SUSD4: variants seen among roughly 807,000 people sequenced by gnomAD.
The protein encoded by SUSD4 is sushi domain containing 4.
A neutral mutation model predicts 50.5 loss-of-function variants in SUSD4; 41 were observed. That is an observed-to-expected ratio of 0.81 (90% CI 0.63 to 1.05). The LOEUF is 1.05. Ranked by LOEUF, SUSD4 falls within the 50% of genes least tolerant of loss-of-function variation. SUSD4 has a pLI of 0.00. For synonymous variants in SUSD4, 257 were observed against 257.3 expected (o/e 1.00, Z 0.01); for missense variants, 580 against 634.7 (o/e 0.91, Z 0.93).
intron 2 of SUSD4, among the ~76,000 whole-genome samples, chr1:223,308,083 G>A (rs1388401709): frequency 6.6e-6 from 1 of 151,976 alleles, no homozygotes; most frequent in Non-Finnish European, 1.5e-5. Flanking sequence ...CTTTTTTTAA[G>A]GCTATTTAAG....
chr1:223,287,204 GTAGC>G (rs1204195847), intron 3 of SUSD4, among the ~76,000 whole-genome samples: 1 of 152,180 alleles, frequency 6.6e-6, no homozygotes, highest in Non-Finnish European at 1.5e-5. Context: ...GCTTCTCAGA[GTAGC>G]TGGGATCATA....
chr1:223,277,311 T>C lies in SUSD4; in HGVS notation c.362-8636A>G, dbSNP rs552985458. 3.7e-4 allele frequency among the ~76,000 whole-genome samples: 57 copies of C among 152,240 alleles called. 2 individuals carry two copies. In the South Asian group the frequency reaches 0.012, roughly 32 times the overall value. Reference sequence around the variant, plus strand: ...GCTTGATGAATGGATGATATTTTTTTTTTTTCCTTTTTGCACTCTGCAAGG... The same window carrying C: ...GCTTGATGAATGGATGATATTTTTTCTTTTTCCTTTTTGCACTCTGCAAGG... On this transcript the variant is annotated intron_variant, in intron 3 of 8. Coordinates refer to ENST00000366878, the MANE Select transcript of SUSD4 (RefSeq NM_017982.4).
intron 3 of SUSD4, chr1:223,289,211 G>A (rs1185604080): frequency 8.1e-6 from 8 of 985,256 alleles, no homozygotes; most frequent in African/African-American, 1.7e-5. Context: ...CACCTCCTCT[G>A]TTCCCTGGGC....
At chr1:223,279,659 A>G (rs967964277) in intron 3 of SUSD4, among the ~76,000 whole-genome samples, 1 of 152,172 alleles carries the variant, frequency 6.6e-6, no homozygotes, top group Non-Finnish European at 1.5e-5. Context: ...GTTGGAAAAC[A>G]CTCTGCAGGG....
Position 223,229,694 on chromosome 1 carries a change from T to A in SUSD4, c.725-306A>T, listed in dbSNP as rs899926326. Among the ~76,000 whole-genome samples the A allele has an allele frequency of 2.0e-5, 3 of 152,226 alleles. No homozygotes were observed. Among genetic ancestry groups the A allele is most frequent in the African/African-American group, 7.2e-5 (3 of 41,462 alleles). Reference sequence around the variant, plus strand: ...TAATAGAGAGTATTAAGCTACTGTATTAATAATGCATGCTATTATGTGCCA... The same window carrying A: ...TAATAGAGAGTATTAAGCTACTGTAATAATAATGCATGCTATTATGTGCCA... On this transcript the variant is annotated intron_variant, in intron 5 of 8. Transcript: ENST00000366878. This position sits in a 1 kb window ranked among gnomAD's most constrained non-coding sequence, Gnocchi z 4.7.
intron 2 of SUSD4, among the ~76,000 whole-genome samples, chr1:223,335,084 T>C (rs1474643179): frequency 6.6e-6 from 1 of 152,062 alleles, no homozygotes; most frequent in Non-Finnish European, 1.5e-5. Flanking sequence ...TACTCAATCA[T>C]ATATATATAT....
In SUSD4 at chr1:223,255,108, C is replaced by T. The variant is rs74145785; in HGVS notation, c.724+9522G>A. ...GGATGGTATGTACTAATGTATGTGC[C>T]CAGGCCATAGAATTCATTTTCAGTT... On this transcript the variant is annotated intron_variant, in intron 5 of 8. Transcript: ENST00000366878. Among the ~76,000 whole-genome samples, 1,062 of 152,220 alleles carry T rather than the reference C, an allele frequency of 7.0e-3. 18 individuals carry two copies. The highest frequency in any genetic ancestry group is 0.024 in the African/African-American group (1,014 of 41,542).
intron 2 of SUSD4, among the ~76,000 whole-genome samples, chr1:223,302,547 G>C (rs912429917): frequency 2.0e-5 from 3 of 152,210 alleles, no homozygotes; most frequent in African/African-American, 7.2e-5. Flanking sequence ...CTGAGCCTGA[G>C]TCTAGAGAAG....
chr1:223,339,361 G>T (rs556560989), intron 2 of SUSD4, among the ~76,000 whole-genome samples: 31 of 152,312 alleles, frequency 2.0e-4, no homozygotes, highest in African/African-American at 7.0e-4. Flanking sequence ...GCTGTGGAGG[G>T]AGGAAAATGT....
intron 2 of SUSD4, among the ~76,000 whole-genome samples, chr1:223,362,774 T>G (rs898593773): frequency 6.6e-6 from 1 of 152,152 alleles, no homozygotes; most frequent in Non-Finnish European, 1.5e-5. Context: ...AACTTTCAAA[T>G]AAACCTGCCC....
At chr1:223,326,016 AC>A (rs1666854833) in intron 2 of SUSD4, among the ~76,000 whole-genome samples, 1 of 152,192 alleles carries the variant, frequency 6.6e-6, no homozygotes, top group Non-Finnish European at 1.5e-5. Context: ...ATTAGAAAAA[AC>A]AATCCTAAAA....
intron 5 of SUSD4, among the ~76,000 whole-genome samples, chr1:223,252,236 A>ATATATATATATATATATATAT (rs1553285715): frequency 1.1e-5 from 1 of 89,728 alleles, no homozygotes; most frequent in African/African-American, 4.1e-5. Flanking sequence ...AAAAAAAAAA[A>ATATATATATATATATATATAT]ATATATATAT....
chr1:223,233,464 T>A (rs1035104), intron 5 of SUSD4, among the ~76,000 whole-genome samples: 12,759 of 152,192 alleles, frequency 0.084, 1,361 homozygotes, highest in African/African-American at 0.25. Context: ...CACCCAACAC[T>A]GCCTCTCACT....
rs750036732 is a variant in SUSD4, at chr1:223,363,409, T to C, written c.17A>G (p.Asn6Ser). The part of the protein sequence containing the change: MYHGM[N>S]PSNGDGFLEQ... Reference sequence around the variant, plus strand: ...TAGAAATCCATCTCCATTGCTCGGGTTCATTCCATGATACATCTTTCATCC... The same window carrying C: ...TAGAAATCCATCTCCATTGCTCGGGCTCATTCCATGATACATCTTTCATCC... The change falls in exon 2 of 9, where the codon AAC (asparagine) becomes AGC (serine). Residue 6 changes from asparagine (N) to serine (S), a missense_variant. Coordinates refer to ENST00000366878, the MANE Select transcript of SUSD4 (RefSeq NM_017982.4). The C allele has an allele frequency of 6.4e-7, 1 of 1,563,428 alleles. No homozygotes were observed. Among genetic ancestry groups the C allele is most frequent in the Non-Finnish European group, 8.7e-7 (1 of 1,153,524 alleles).
chr1:223,221,153 G>A lies in SUSD4; in HGVS notation c.*1039C>T. ...ATCTGGGCTGGGAGGCCAGCCTCCT[G>A]GAATCTTAGGACAAATAAAAGGGGG... On this transcript the variant is annotated 3_prime_UTR_variant, in exon 9 of 9. Transcript: ENST00000366878. 1 of 400,790 alleles carries A rather than the reference G, an allele frequency of 2.5e-6. No individual in the cohort carries two copies. Among genetic ancestry groups the A allele is most frequent in the Non-Finnish European group, 4.4e-6 (1 of 226,244 alleles). 24.8% of individuals were successfully genotyped at this position (400,790 alleles called of 1,614,324 possible). A position where few individuals can be genotyped will look rare whatever the true frequency, so the allele number is the denominator to read the frequency against.
At chr1:223,285,247 G>C (rs1664058888) in intron 3 of SUSD4, among the ~76,000 whole-genome samples, 1 of 152,190 alleles carries the variant, frequency 6.6e-6, no homozygotes, top group Non-Finnish European at 1.5e-5. Flanking sequence ...ATGCAGACCA[G>C]GAAGAGGGAT....
intron 2 of SUSD4, among the ~76,000 whole-genome samples, chr1:223,335,032 G>T (rs547661125): frequency 6.6e-6 from 1 of 152,240 alleles, no homozygotes; most frequent in South Asian, 2.1e-4. Flanking sequence ...CATCCAGGTT[G>T]CTGCAAATGC....
Position 223,247,946 on chromosome 1 carries a change from GGTCTTCACC to G in SUSD4, c.724+16675_724+16683del, listed in dbSNP as rs1661050759. On this transcript the variant is annotated intron_variant, in intron 5 of 8. Coordinates refer to ENST00000366878, the MANE Select transcript of SUSD4 (RefSeq NM_017982.4). ...TTAAATTGTCATGGTATCTGGTCTG[GGTCTTCACC>G]TTTCACCGGACTCTTGCTATATGAA... 2.0e-5 allele frequency among the ~76,000 whole-genome samples: 3 copies of G among 152,086 alleles called. No individual in the cohort carries two copies. In the South Asian group the frequency reaches 6.2e-4, roughly 32 times the overall value.
chr1:223,263,069 C>A (rs1312415500), intron 5 of SUSD4, among the ~76,000 whole-genome samples: 1 of 152,208 alleles, frequency 6.6e-6, no homozygotes, highest in East Asian at 1.9e-4. Context: ...CTGCTTGAAA[C>A]ACATTTAAAC....
Sources: allele counts gnomAD v4.1 joint callset (sites outside exome capture counted in the v4.1 genomes callset), GRCh38; gene constraint gnomAD v4.1.1; non-coding constraint Gnocchi (gnomAD v3.1); transcripts MANE v1.5; gene names NCBI Gene and HGNC (gene_info 2026-07-23, HGNC 2026-07-21).